Variants in MED13 observed in about 807,000 individuals in gnomAD.
The protein encoded by MED13 is mediator complex subunit 13.
A neutral mutation model predicts 225.2 loss-of-function variants in MED13; 23 were observed. That is an observed-to-expected ratio of 0.10 (90% confidence interval 0.07 to 0.14). The LOEUF (loss-of-function observed/expected upper bound fraction) is 0.14, where lower values mean the gene tolerates loss of function less well. Ranked by LOEUF, MED13 falls within the 10% of genes least tolerant of loss-of-function variation. The pLI is 1.00. For missense variants in MED13, 2,197 were observed against 2,594.5 expected (o/e 0.85, Z 3.33); for synonymous variants, 942 against 889.2 (o/e 1.06, Z -1.06).
At position 61,998,428 on chromosome 17, in the gene MED13, A is replaced by C. The variant is rs529557662; in HGVS notation, c.1968-3063T>G. Among the ~76,000 whole-genome samples the C allele has an allele frequency of 4.6e-5, 7 of 152,326 alleles. No homozygotes were observed. In the South Asian group the frequency reaches 1.5e-3, roughly 32 times the overall value. On this transcript the variant is annotated intron_variant, in intron 9 of 29. Coordinates refer to ENST00000397786, the MANE Select transcript of MED13 (RefSeq NM_005121.3). ...ATACTATCCTGAAATGTACTCATATAGAATTTAACATAGCTTATGGTAGCA... is the reference window on the plus strand; with the variant it reads ...ATACTATCCTGAAATGTACTCATATCGAATTTAACATAGCTTATGGTAGCA...
intron 8 of MED13, among the ~76,000 whole-genome samples, chr17:62,021,343 C>G (rs1250895570): frequency 5.4e-5 from 8 of 147,824 alleles, no homozygotes; most frequent in Non-Finnish European, 7.6e-5. Flanking sequence ...CCCTCCCGGA[C>G]AGGGTGGCTG....
chr17:62,065,067 G>A (rs2081070629), intron 1 of MED13, 73 bp downstream of exon 1: 14 of 1,366,144 alleles, frequency 1.0e-5, no homozygotes, highest in Non-Finnish European at 1.3e-5. Context: ...ACCAGACCCG[G>A]CCCCCTCCCC....
At chr17:62,022,775 T>G (rs2080661932) in intron 8 of MED13, among the ~76,000 whole-genome samples, 1 of 152,144 alleles carries the variant, frequency 6.6e-6, no homozygotes, top group African/African-American at 2.4e-5. Context: ...TTTGGGAGGC[T>G]GAGGCAGGAA....
intron 11 of MED13, among the ~76,000 whole-genome samples, chr17:61,989,054 C>T (rs1038177479): frequency 6.6e-6 from 1 of 151,556 alleles, no homozygotes; most frequent in Non-Finnish European, 1.5e-5. Flanking sequence ...CTCTGTCGCC[C>T]AGGCTGGAGT....
At chr17:62,064,398 G>T (rs1360952192) in intron 1 of MED13, among the ~76,000 whole-genome samples, 1 of 152,158 alleles carries the variant, frequency 6.6e-6, no homozygotes, top group African/African-American at 2.4e-5. Flanking sequence ...CAAGGGAGCA[G>T]CCTGCTCAAA....
At chr17:61,989,311 T>C (rs576490136) in intron 11 of MED13, among the ~76,000 whole-genome samples, 7 of 152,028 alleles carry the variant, frequency 4.6e-5, no homozygotes, top group African/African-American at 1.7e-4. Context: ...CGCCCAGCCA[T>C]ATATTTTAAT....
intron 16 of MED13, among the ~76,000 whole-genome samples, chr17:61,980,117 A>T (rs543978301): frequency 6.6e-6 from 1 of 152,240 alleles, no homozygotes; most frequent in African/African-American, 2.4e-5. Flanking sequence ...TGAACCCGGG[A>T]GGTGGAGGTT....
At chr17:61,979,524 G>T (rs2080185330) in intron 16 of MED13, among the ~76,000 whole-genome samples, 1 of 151,914 alleles carries the variant, frequency 6.6e-6, no homozygotes, top group Admixed American at 6.6e-5. Flanking sequence ...CACCAGGCTG[G>T]TCTTGAACTC....
At chr17:61,958,536 A>G (rs966020550) in intron 23 of MED13, among the ~76,000 whole-genome samples, 2 of 151,966 alleles carry the variant, frequency 1.3e-5, no homozygotes, top group African/African-American at 2.4e-5. Flanking sequence ...ACAGGGTTTC[A>G]GCATGTTGGC....
At chr17:62,021,916 C>T (rs1479750322) in intron 8 of MED13, among the ~76,000 whole-genome samples, 1 of 152,034 alleles carries the variant, frequency 6.6e-6, no homozygotes, top group Non-Finnish European at 1.5e-5. Flanking sequence ...TCTGTAATTC[C>T]TGCACTTTGG....
chr17:62,003,835 C>T (rs2080420710), intron 9 of MED13: 1 of 152,108 alleles, frequency 6.6e-6, no homozygotes, highest in South Asian at 2.1e-4. Flanking sequence ...ACCCTGCACG[C>T]TACTTTTCTA....
chr17:62,034,100 A>T, intron 4 of MED13, 116 bp from the exon 5 acceptor site: 1 of 809,564 alleles, frequency 1.2e-6, no homozygotes, highest in South Asian at 1.8e-5. Context: ...GGAAACCAGT[A>T]ATAACCATTC....
At position 61,972,792 on chromosome 17, in the gene MED13, G is replaced by A; in HGVS notation, c.3902C>T (p.Pro1301Leu). The A allele has an allele frequency of 6.2e-7, 1 of 1,613,854 alleles. No homozygotes were observed. ...AGTGAGAGGACCCTGAACACCCCAA[G>A]GTCTTACTGTTCTTTTTTTCTGAAT... ...DAIQKKRTVR[P>L]WGVQGPLTWQ... Residue 1301 changes from proline to leucine, a missense_variant, in exon 17 of 30, where the codon CCT becomes CTT. By Grantham distance (98) the Pro-to-Leu change is moderately conservative. Coordinates refer to ENST00000397786, the MANE Select transcript of MED13 (RefSeq NM_005121.3).
In MED13 at chr17:61,992,582, C is replaced by T. The variant is rs773880465; in HGVS notation, c.2221G>A (p.Glu741Lys). ...CTAAATAATGACATAGCATCTTCTT[C>T]ATGTGATAACACTGTTACACTAGAT... ...GTSSVTVLSH[E>K]EDAMSLFSPS... Residue 741 changes from glutamate to lysine, a missense_variant, in exon 11 of 30, where the codon GAA (glutamate) becomes AAA (lysine). Around this residue, in one of 12 missense-constraint regions of MED13, gnomAD observed 884 missense variants for 918.5 expected, o/e 0.96. Coordinates refer to ENST00000397786, the MANE Select transcript of MED13 (RefSeq NM_005121.3). 1.2e-6 allele frequency: 2 copies of T among 1,612,036 alleles called. No individual in the cohort carries two copies.
At chr17:62,047,026 T>A (rs1182185234) in intron 3 of MED13, among the ~76,000 whole-genome samples, 2 of 131,750 alleles carry the variant, frequency 1.5e-5, no homozygotes, top group Non-Finnish European at 3.1e-5. Context: ...TGTGCCACTG[T>A]GCCCAGCTTT....
intron 3 of MED13, among the ~76,000 whole-genome samples, chr17:62,052,160 A>G (rs1011149892): frequency 3.9e-5 from 6 of 152,324 alleles, no homozygotes; most frequent in Admixed American, 1.3e-4. Context: ...CTCACAGATC[A>G]CTATCCTTAA....
At chr17:61,975,700 G>A (rs562644883) in intron 16 of MED13, among the ~76,000 whole-genome samples, 2 of 151,904 alleles carry the variant, frequency 1.3e-5, no homozygotes, top group African/African-American at 2.4e-5. Flanking sequence ...CAGCCTGGAT[G>A]ACAGAGTGAG....
intron 8 of MED13, among the ~76,000 whole-genome samples, chr17:62,021,422 C>A: frequency 6.9e-6 from 1 of 145,722 alleles, no homozygotes. Flanking sequence ...AGGGGGCTGA[C>A]CCCCCCACCT....
chr17:62,036,221 T>C (rs910252789), intron 3 of MED13, among the ~76,000 whole-genome samples: 1 of 152,076 alleles, frequency 6.6e-6, no homozygotes, highest in African/African-American at 2.4e-5. Context: ...ATAAATGTTT[T>C]CTCACTTTAT....
Sources: gnomAD v4.1 joint callset for allele counts (sites outside exome capture counted in the v4.1 genomes callset) on GRCh38, gnomAD v4.1.1 for gene constraint, gnomAD v4.1.1 regional missense constraint, MANE v1.5 for transcripts, NCBI Gene and HGNC (gene_info 2026-07-23, HGNC 2026-07-21) for gene names.